C1orf21: variants seen among roughly 807,000 people sequenced by gnomAD.
The protein encoded by C1orf21 is uncharacterized protein C1orf21.
Under a neutral mutation model 18.7 loss-of-function variants are expected in C1orf21, and 3 were observed. The observed-to-expected ratio is 0.16, with a 90% CI of 0.07 to 0.42. C1orf21 has a LOEUF of 0.42. Among genes scored for constraint, C1orf21 ranks in the 10% least tolerant of loss-of-function variants. The probability of loss-of-function intolerance (pLI) is 0.99; values close to 1 mark genes in which losing one functional copy is unlikely to be tolerated. For missense variants in C1orf21, 104 were observed against 143.6 expected (o/e 0.72, Z 1.41); for synonymous variants, 41 against 46.4 (o/e 0.88, Z 0.47).
chr1:184,494,656 A>G (rs1486067770), intron 2 of C1orf21, among the ~76,000 whole-genome samples: 3 of 152,172 alleles, frequency 2.0e-5, no homozygotes, highest in Non-Finnish European at 2.9e-5. Context: ...TTTTGTACCA[A>G]TACAAGCTCC....
chr1:184,445,729 G>T (rs1657020153), intron 1 of C1orf21, among the ~76,000 whole-genome samples: 1 of 152,048 alleles, frequency 6.6e-6, no homozygotes, highest in Admixed American at 6.5e-5. Context: ...CCTTAGGAGG[G>T]CATTAGTTAG....
intron 3 of C1orf21, chr1:184,542,513 A>G (rs1428476963): frequency 1.3e-5 from 2 of 152,290 alleles, no homozygotes; most frequent in East Asian, 1.9e-4. Context: ...GCATATCTCA[A>G]CAAAACATAT....
At chr1:184,451,436 A>T (rs1023431948) in intron 1 of C1orf21, among the ~76,000 whole-genome samples, 5 of 149,216 alleles carry the variant, frequency 3.4e-5, no homozygotes, top group Non-Finnish European at 7.4e-5. Context: ...GACTGTAGGC[A>T]TACACCATCA....
At chr1:184,460,679 C>CTTCTTCTTCTTCTTCT (rs1657293485) in intron 1 of C1orf21, among the ~76,000 whole-genome samples, 1 of 82,830 alleles carries the variant, frequency 1.2e-5, no homozygotes. Flanking sequence ...TCTTCTTCTT[C>CTTCTTCTTCTTCTTCT]TTCTTCTTTC....
At chr1:184,451,860 G>A (rs906736942) in intron 1 of C1orf21, among the ~76,000 whole-genome samples, 2 of 152,122 alleles carry the variant, frequency 1.3e-5, no homozygotes, top group Non-Finnish European at 2.9e-5. Context: ...CAAGTTTTCC[G>A]TGTTTATAAA....
At chr1:184,616,825 G>C (rs1223325475) in intron 5 of C1orf21, among the ~76,000 whole-genome samples, 2 of 152,276 alleles carry the variant, frequency 1.3e-5, no homozygotes, top group African/African-American at 4.8e-5. Flanking sequence ...CTGAGACTTT[G>C]CTTTGATTTG....
intron 1 of C1orf21, among the ~76,000 whole-genome samples, chr1:184,394,934 C>T (rs565445709): frequency 2.6e-5 from 4 of 152,050 alleles, no homozygotes; most frequent in East Asian, 1.9e-4. Flanking sequence ...AGTCTAGATG[C>T]GACTCCCAAA....
intron 3 of C1orf21, chr1:184,566,731 G>T: frequency 2.6e-6 from 1 of 391,746 alleles, no homozygotes; most frequent in Non-Finnish European, 5.1e-6. Context: ...AGCCATCTGG[G>T]ACTACCAGAT....
rs1350602393 is a variant in C1orf21 at position 184,620,464 on chromosome 1, G to A, written c.*908G>A. The stretch of plus-strand genomic sequence containing the variant: ...TCCATTAAGAATCTACCAAGCATTA[G>A]CAAGGCTGAAAGTGGTCTAAGAGGT... On this transcript the variant is annotated 3_prime_UTR_variant, in exon 6 of 6. Coordinates refer to ENST00000235307, the MANE Select transcript of C1orf21 (RefSeq NM_030806.4). The A allele has an allele frequency of 6.6e-6, 1 of 152,492 alleles. No homozygotes were observed. The highest frequency in any genetic ancestry group is 2.4e-5 in the African/African-American group (1 of 41,396). The allele number at this position is 152,492 out of a possible 1,614,324, so 9.4% of individuals were successfully genotyped here. A position where few individuals can be genotyped will look rare whatever the true frequency, so the allele number is the denominator to read the frequency against.
At chr1:184,477,145 A>C (rs1308380973) in intron 1 of C1orf21, among the ~76,000 whole-genome samples, 1 of 152,172 alleles carries the variant, frequency 6.6e-6, no homozygotes, top group Non-Finnish European at 1.5e-5. Context: ...CTCCTCAAAA[A>C]GTTCACTCCT....
chr1:184,456,750 A>G (rs1571366896), intron 1 of C1orf21, among the ~76,000 whole-genome samples: 1 of 152,148 alleles, frequency 6.6e-6, no homozygotes, highest in Non-Finnish European at 1.5e-5. Flanking sequence ...TTGTAACTTT[A>G]TCTCCTATGC....
intron 1 of C1orf21, among the ~76,000 whole-genome samples, chr1:184,399,695 A>G: frequency 6.6e-6 from 1 of 152,136 alleles, no homozygotes; most frequent in East Asian, 1.9e-4. Context: ...GGAGGCACAC[A>G]TGCCTTCTCG....
At chr1:184,427,366 T>A (rs2101969152) in intron 1 of C1orf21, among the ~76,000 whole-genome samples, 1 of 152,322 alleles carries the variant, frequency 6.6e-6, no homozygotes, top group African/African-American at 2.4e-5. Flanking sequence ...TATGAGCTTC[T>A]CTTACTCTGT....
intron 3 of C1orf21, among the ~76,000 whole-genome samples, chr1:184,559,505 CCCTTCCTTCCTTCCTTCCTTCCTT>C (rs71101933): frequency 8.4e-5 from 4 of 47,838 alleles, no homozygotes; most frequent in East Asian, 8.5e-4. Flanking sequence ...CTTCCTTCCC[CCCTTCCTTCCTTCCTTCCTTCCTT>C]CCTTCCTTCC....
intron 5 of C1orf21, among the ~76,000 whole-genome samples, chr1:184,608,289 T>C (rs1659678570): frequency 6.6e-6 from 1 of 152,236 alleles, no homozygotes; most frequent in South Asian, 2.1e-4. Context: ...AGGAATGTGT[T>C]TTTTGACAAA....
intron 5 of C1orf21, among the ~76,000 whole-genome samples, chr1:184,604,714 G>T (rs1311176493): frequency 2.0e-5 from 3 of 152,206 alleles, no homozygotes; most frequent in Non-Finnish European, 2.9e-5. Flanking sequence ...TGACACTGGT[G>T]TAGGAACCAC....
chr1:184,507,321 C>G (rs1241501539), intron 2 of C1orf21, among the ~76,000 whole-genome samples: 1 of 152,114 alleles, frequency 6.6e-6, no homozygotes, highest in Middle Eastern at 3.2e-3. Flanking sequence ...TCCTCTGCAG[C>G]ATTTGCTCTC....
At chr1:184,619,327 G>A (rs975310638) in intron 5 of C1orf21, among the ~76,000 whole-genome samples, 191 bp from the exon 6 acceptor site, 1 of 152,188 alleles carries the variant, frequency 6.6e-6, no homozygotes, top group African/African-American at 2.4e-5. Context: ...GTCATGCCTT[G>A]AAGTATATAT....
chr1:184,560,902 T>C (rs1658954980), intron 3 of C1orf21, among the ~76,000 whole-genome samples: 1 of 152,192 alleles, frequency 6.6e-6, no homozygotes. Flanking sequence ...AATGAATCAA[T>C]AGGAATTATT....
Sources: gnomAD v4.1 joint callset for allele counts (sites outside exome capture counted in the v4.1 genomes callset) on GRCh38, gnomAD v4.1.1 for gene constraint, MANE v1.5 for transcripts, NCBI Gene and HGNC (gene_info 2026-07-23, HGNC 2026-07-21) for gene names.